The following STPG2 variants were observed in gnomAD, a reference collection of about 807,000 sequenced individuals.
STPG2 encodes sperm tail PG-rich repeat containing 2.
Under a neutral mutation model 54.2 loss-of-function variants are expected in STPG2, and 56 were observed. The ratio of observed to expected loss-of-function variants is 1.03; its 90% CI spans 0.83 to 1.29. The LOEUF is 1.29. Ranked by LOEUF, STPG2 falls within the 50% of genes most tolerant of loss-of-function variation. The pLI is 0.00. For missense variants in STPG2, 596 were observed against 544.9 expected, an observed-to-expected ratio of 1.09 and a Z score of -0.93; for synonymous variants, 200 against 181.8, an observed-to-expected ratio of 1.10 and a Z score of -0.81.
At chr4:97,871,452 G>C (rs1285476552) in intron 8 of STPG2, among the ~76,000 whole-genome samples, 1 of 150,664 alleles carries the variant, frequency 6.6e-6, no homozygotes, top group Non-Finnish European at 1.5e-5. Flanking sequence ...AGTAAGGATT[G>C]ACAGTTGAAA....
chr4:97,614,834 A>T (rs1449116745), intron 10 of STPG2, among the ~76,000 whole-genome samples: 1 of 152,138 alleles, frequency 6.6e-6, no homozygotes, highest in Non-Finnish European at 1.5e-5. Flanking sequence ...GTTTTTGCTC[A>T]ACTTTAATGT....
At chr4:97,822,463 C>T (rs553812621) in intron 9 of STPG2, among the ~76,000 whole-genome samples, 9 of 152,190 alleles carry the variant, frequency 5.9e-5, no homozygotes, top group Non-Finnish European at 1.0e-4. Context: ...TTCCAAAGTT[C>T]CTTCCTCATT....
chr4:97,514,220 G>A (rs995996237), intron 4 of STPG2, among the ~76,000 whole-genome samples: 10 of 152,068 alleles, frequency 6.6e-5, no homozygotes, highest in African/African-American at 7.2e-5. Context: ...TGTTCTAAAC[G>A]TCCCAGCGTC....
At chr4:97,891,119 T>C (rs1029267423) in intron 8 of STPG2, among the ~76,000 whole-genome samples, 3 of 152,056 alleles carry the variant, frequency 2.0e-5, no homozygotes, top group African/African-American at 7.2e-5. Context: ...TAAAAAGCAT[T>C]GTACAACTAT....
At chr4:97,456,436 T>C (rs972149045) in intron 4 of STPG2, among the ~76,000 whole-genome samples, 8 of 152,134 alleles carry the variant, frequency 5.3e-5, no homozygotes, top group Admixed American at 5.2e-4. Context: ...CCTCTCCCCA[T>C]GATCCAGTTA....
intron 4 of STPG2, among the ~76,000 whole-genome samples, chr4:97,458,040 A>T (rs1272600730): frequency 1.3e-5 from 2 of 152,228 alleles, no homozygotes; most frequent in Non-Finnish European, 2.9e-5. Context: ...CTCTTAAATC[A>T]TGTGCAAGTG....
intron 8 of STPG2, chr4:97,893,007 G>C (rs146362924): frequency 6.6e-6 from 1 of 152,192 alleles, no homozygotes; most frequent in Non-Finnish European, 1.5e-5. Context: ...AAAGATAACT[G>C]GTGGAAAGAT....
chr4:97,987,179 G>C (rs1414581302), intron 5 of STPG2, among the ~76,000 whole-genome samples: 1 of 152,082 alleles, frequency 6.6e-6, no homozygotes, highest in Non-Finnish European at 1.5e-5. Context: ...AATTTCCTTA[G>C]CAAAGCAGCC....
rs546408190 is a variant in STPG2 at position 97,945,185 on chromosome 4, T to C, written c.934-1178A>G. ...CGTAGTGTACATTGTACCCAATAAG[T>C]AGTTTTTTATCCCCCTATTCTCCTC... On this transcript the variant is annotated intron_variant, in intron 7 of 10. Coordinates refer to ENST00000295268, the MANE Select transcript of STPG2 (RefSeq NM_174952.3). Among the ~76,000 whole-genome samples, 48 of 152,204 alleles carry C rather than the reference T, an allele frequency of 3.2e-4. 1 individual carries two copies. The highest frequency in any genetic ancestry group is 2.7e-3 in the South Asian group (13 of 4,822).
chr4:97,897,588 T>C (rs546399339), intron 8 of STPG2, among the ~76,000 whole-genome samples: 1 of 152,208 alleles, frequency 6.6e-6, no homozygotes, highest in East Asian at 1.9e-4. Context: ...GACTTTTTAA[T>C]AACAGCCATT....
chr4:97,856,264 G>T (rs1729333161), intron 8 of STPG2, among the ~76,000 whole-genome samples: 1 of 152,126 alleles, frequency 6.6e-6, no homozygotes, highest in South Asian at 2.1e-4. Context: ...GGGCAGAATG[G>T]CTATTTTCAT....
intron 9 of STPG2, among the ~76,000 whole-genome samples, chr4:97,776,557 A>G (rs1372999525): frequency 6.6e-6 from 1 of 152,210 alleles, no homozygotes; most frequent in Non-Finnish European, 1.5e-5. Flanking sequence ...AGCGAGATGA[A>G]TGGATTAGGG....
At chr4:97,463,642 G>GT (rs766252346) in intron 4 of STPG2, 3 of 152,136 alleles carry the variant, frequency 2.0e-5, no homozygotes, top group Non-Finnish European at 4.4e-5. Flanking sequence ...TAAAGATGGA[G>GT]TTTCACCATG....
chr4:97,800,149 A>C lies in STPG2; in HGVS notation c.1204+40624T>G, dbSNP rs561410833. On this transcript the variant is annotated intron_variant, in intron 9 of 10. Coordinates refer to ENST00000295268, the MANE Select transcript of STPG2 (RefSeq NM_174952.3). The stretch of plus-strand genomic sequence containing the variant: ...TGAACTTCCTCCTTTAGCTCGGAGT[A>C]CTTTGATCGTCTGAAGCCTTCTTCT... Among the ~76,000 whole-genome samples, 139 of 152,252 alleles carry C rather than the reference A, an allele frequency of 9.1e-4. 1 individual carries two copies. The highest frequency in any genetic ancestry group is 3.3e-3 in the African/African-American group (137 of 41,554).
At chr4:97,985,685 A>C (rs1734807287) in intron 5 of STPG2, among the ~76,000 whole-genome samples, 1 of 152,120 alleles carries the variant, frequency 6.6e-6, no homozygotes, top group South Asian at 2.1e-4. Flanking sequence ...AAACTCTTCC[A>C]TATCTTTTAC....
At chr4:97,457,085 G>C (rs1331400213) in intron 4 of STPG2, among the ~76,000 whole-genome samples, 1 of 151,980 alleles carries the variant, frequency 6.6e-6, no homozygotes, top group African/African-American at 2.4e-5. Context: ...TGATCAAAAA[G>C]CAAAACATTG....
chr4:97,670,224 T>C (rs544250875), intron 10 of STPG2, among the ~76,000 whole-genome samples: 13 of 152,266 alleles, frequency 8.5e-5, no homozygotes, highest in African/African-American at 2.9e-4. Flanking sequence ...CTGTGGTTTC[T>C]CAGAGTGATT....
intron 4 of STPG2, among the ~76,000 whole-genome samples, chr4:97,481,707 T>C (rs1052462601): frequency 3.3e-5 from 5 of 151,830 alleles, no homozygotes; most frequent in South Asian, 2.1e-4. Context: ...AACTGTGACA[T>C]TGAAAAATTC....
At chr4:97,466,708 C>A (rs1025156919) in intron 4 of STPG2, among the ~76,000 whole-genome samples, 2 of 151,898 alleles carry the variant, frequency 1.3e-5, no homozygotes, top group Non-Finnish European at 2.9e-5. Flanking sequence ...TTAACAAAAT[C>A]ATCCAAAATG....
Sources: gnomAD v4.1 joint callset for allele counts (sites outside exome capture counted in the v4.1 genomes callset) on GRCh38, gnomAD v4.1.1 for gene constraint, MANE v1.5 for transcripts, NCBI Gene and HGNC (gene_info 2026-07-23, HGNC 2026-07-21) for gene names.